The following KCNB2 variants were observed in gnomAD, a reference collection of about 807,000 sequenced individuals.
KCNB2 encodes potassium voltage-gated channel subfamily B member 2.
In KCNB2, 15 loss-of-function variants were observed where a neutral mutation model predicts 61.5. That is an observed-to-expected ratio of 0.24 (90% CI 0.16 to 0.38). The LOEUF is 0.38. Ranked by LOEUF, KCNB2 falls within the 10% of genes least tolerant of loss-of-function variation. The pLI, the probability that KCNB2 is intolerant of heterozygous loss-of-function variation, is 1.00. For synonymous variants in KCNB2, 457 were observed against 446.0 expected, an observed-to-expected ratio of 1.02 and a Z score of -0.31; for missense variants, 828 against 1,125.2, an observed-to-expected ratio of 0.74 and a Z score of 3.78.
At chr8:72,541,132 A>C (rs1353062915) in intron 1 of KCNB2, among the ~76,000 whole-genome samples, 1 of 151,824 alleles carries the variant, frequency 6.6e-6, no homozygotes, top group Non-Finnish European at 1.5e-5. Flanking sequence ...GGATCATGAA[A>C]ATTTTCACAA....
At chr8:72,699,002 G>A (rs9643658) in intron 2 of KCNB2, among the ~76,000 whole-genome samples, 62,948 of 151,982 alleles carry the variant, frequency 0.41, 15,213 homozygotes, top group Non-Finnish European at 0.57. Flanking sequence ...AAACTGACAA[G>A]TGAGACCTAA....
rs760437712 is a variant in KCNB2 at position 72,937,413 on chromosome 8, G to A, written c.2058G>A (p.Gly686=). The stretch of plus-strand genomic sequence containing the variant: ...TCGATGCCAGTGGCTCCCAGTGTGG[G>A]CTACATAGTCCTTTGCAGTCTGACA... The part of the protein sequence containing the change: ...VNLDASGSQC[G]LHSPLQSDNA... The change falls in exon 3 of 3, where the codon GGG becomes GGA. Residue 686 remains glycine (G), a synonymous_variant. Coordinates refer to ENST00000523207, the MANE Select transcript of KCNB2 (RefSeq NM_004770.3). 8 of 1,614,034 alleles carry A rather than the reference G, an allele frequency of 5.0e-6. No homozygotes were observed. The South Asian group carries it at 7.7e-5, about 16-fold the overall frequency.
intron 2 of KCNB2, among the ~76,000 whole-genome samples, chr8:72,672,139 G>C (rs1806575599): frequency 6.6e-6 from 1 of 152,122 alleles, no homozygotes; most frequent in Non-Finnish European, 1.5e-5. Context: ...GTGGTTTCTT[G>C]TTTGTTTAAA....
chr8:72,604,328 C>G (rs1805413942), intron 2 of KCNB2, among the ~76,000 whole-genome samples: 1 of 152,154 alleles, frequency 6.6e-6, no homozygotes, highest in African/African-American at 2.4e-5. Flanking sequence ...AGGTAGAGAT[C>G]ATGTCCTATT....
chr8:72,550,446 C>T (rs887466820), intron 1 of KCNB2, among the ~76,000 whole-genome samples: 2 of 152,146 alleles, frequency 1.3e-5, no homozygotes, highest in Non-Finnish European at 2.9e-5. Context: ...ACATAGAACC[C>T]CTAGATCCCT....
intron 1 of KCNB2, among the ~76,000 whole-genome samples, chr8:72,552,798 G>A (rs2128977461): frequency 6.6e-6 from 1 of 152,144 alleles, no homozygotes; most frequent in East Asian, 1.9e-4. Context: ...GTGAAGTATT[G>A]TACACATGTA....
At chr8:72,754,441 G>T (rs1808251560) in intron 2 of KCNB2, among the ~76,000 whole-genome samples, 1 of 152,042 alleles carries the variant, frequency 6.6e-6, no homozygotes, top group Non-Finnish European at 1.5e-5. Context: ...TAGTCTGCAG[G>T]TCCCTAAAAC....
chr8:72,759,209 GA>G, intron 2 of KCNB2, among the ~76,000 whole-genome samples: 1 of 152,128 alleles, frequency 6.6e-6, no homozygotes, highest in African/African-American at 2.4e-5. Context: ...TGTTTTAATA[GA>G]AAAAAATTCG....
intron 2 of KCNB2, among the ~76,000 whole-genome samples, chr8:72,798,976 A>C (rs1205965450): frequency 2.6e-5 from 4 of 152,166 alleles, no homozygotes; most frequent in Non-Finnish European, 5.9e-5. Flanking sequence ...CACATTTGCC[A>C]ACAGAGCACC....
chr8:72,758,822 A>G (rs143168887), intron 2 of KCNB2, among the ~76,000 whole-genome samples: 13 of 152,306 alleles, frequency 8.5e-5, no homozygotes, highest in African/African-American at 2.9e-4. Flanking sequence ...AAGAAAGAAC[A>G]TTGGTTATTT....
At chr8:72,579,693 T>A (rs1438112914) in intron 2 of KCNB2, among the ~76,000 whole-genome samples, 1 of 152,214 alleles carries the variant, frequency 6.6e-6, no homozygotes, top group Admixed American at 6.5e-5. Flanking sequence ...GGAAAGAGAC[T>A]GTTAATTGAT....
intron 2 of KCNB2, among the ~76,000 whole-genome samples, chr8:72,725,585 ATG>A (rs1259715601): frequency 0.012 from 790 of 67,642 alleles, 17 homozygotes; most frequent in African/African-American, 0.056. Context: ...GTATATATAT[ATG>A]TATGTATATA....
At chr8:72,850,420 C>T (rs1374494276) in intron 2 of KCNB2, among the ~76,000 whole-genome samples, 1 of 152,072 alleles carries the variant, frequency 6.6e-6, no homozygotes, top group African/African-American at 2.4e-5. Flanking sequence ...GGGGTTTCAC[C>T]ATGTTGCCCA....
At chr8:72,553,222 G>A (rs1048619095) in intron 1 of KCNB2, among the ~76,000 whole-genome samples, 6 of 152,000 alleles carry the variant, frequency 3.9e-5, no homozygotes, top group East Asian at 1.9e-4. Context: ...AGAATTTAAC[G>A]TAAGCCATTG....
intron 2 of KCNB2, among the ~76,000 whole-genome samples, chr8:72,930,679 T>G (rs1806762120): frequency 6.6e-6 from 1 of 152,240 alleles, no homozygotes; most frequent in South Asian, 2.1e-4. Flanking sequence ...TTGAGTTCAT[T>G]GTAGATTCTG....
rs560558187 is a variant in KCNB2 at position 72,765,763 on chromosome 8, CTTG to C, written c.580-170169_580-170167del. Among the ~76,000 whole-genome samples the C allele has an allele frequency of 2.4e-4, 36 of 152,288 alleles. No homozygotes were observed. In the East Asian group the frequency reaches 6.2e-3, roughly 26 times the overall value. On this transcript the variant is annotated intron_variant, in intron 2 of 2. Coordinates refer to ENST00000523207, the MANE Select transcript of KCNB2 (RefSeq NM_004770.3). ...CATGCATCAGAATCACCGTGGAGGA[CTTG>C]TTAAGACACTAATTGGTGGGCCATA...
intron 2 of KCNB2, among the ~76,000 whole-genome samples, chr8:72,610,757 G>A (rs1158388554): frequency 6.6e-6 from 1 of 152,034 alleles, no homozygotes; most frequent in Non-Finnish European, 1.5e-5. Flanking sequence ...GAAAATGAAG[G>A]CAAATAACTA....
chr8:72,637,482 C>T (rs756057754), intron 2 of KCNB2, among the ~76,000 whole-genome samples: 1 of 152,076 alleles, frequency 6.6e-6, no homozygotes, highest in Non-Finnish European at 1.5e-5. Context: ...ATGATCTCTA[C>T]TAATGAATCA....
At chr8:72,574,296 GA>G (rs1806763261) in intron 2 of KCNB2, among the ~76,000 whole-genome samples, 1 of 152,202 alleles carries the variant, frequency 6.6e-6, no homozygotes, top group South Asian at 2.1e-4. Flanking sequence ...TTGATCATGG[GA>G]GAGAAGGGCA....
Sources: gnomAD v4.1 joint callset for allele counts (sites outside exome capture counted in the v4.1 genomes callset) on GRCh38, gnomAD v4.1.1 for gene constraint, MANE v1.5 for transcripts, NCBI Gene and HGNC (gene_info 2026-07-23, HGNC 2026-07-21) for gene names.